The following CPN1 variants were observed in gnomAD, a reference collection of about 807,000 sequenced individuals.
CPN1 encodes carboxypeptidase N catalytic chain.
In CPN1, 37 loss-of-function variants were observed where a neutral mutation model predicts 46.4. The ratio of observed to expected loss-of-function variants is 0.80; its 90% CI spans 0.61 to 1.05. The LOEUF (loss-of-function observed/expected upper bound fraction) is 1.05. Ranked by LOEUF, CPN1 falls within the 50% of genes least tolerant of loss-of-function variation. The probability of loss-of-function intolerance (pLI) is 0.00; values close to 1 mark genes in which losing one functional copy is unlikely to be tolerated. For synonymous variants in CPN1, 224 were observed against 235.4 expected (o/e 0.95, Z 0.44); for missense variants, 563 against 602.6 (o/e 0.93, Z 0.69).
At chr10:100,073,371 T>A (rs942419666) in intron 2 of CPN1, among the ~76,000 whole-genome samples, 1 of 152,230 alleles carries the variant, frequency 6.6e-6, no homozygotes, top group East Asian at 1.9e-4. Context: ...CCCTGCACAC[T>A]GGTCAATAGT....
chr10:100,042,413 T>C lies in CPN1; in HGVS notation c.*14A>G. On this transcript the variant is annotated 3_prime_UTR_variant, in exon 9 of 9. Transcript: ENST00000370418. ...AGCAAAGCCTTTCTGAAGGGTTGCC[T>C]GGCACTGTGGGTTTCAGGCAGGGCC... The C allele has an allele frequency of 2.5e-6, 4 of 1,612,732 alleles. No individual in the cohort carries two copies. Among genetic ancestry groups the C allele is most frequent in the Non-Finnish European group, 3.4e-6 (4 of 1,179,962 alleles).
In CPN1 at chr10:100,071,326, C is replaced by A. The variant is rs139210385; in HGVS notation, c.421-1457G>T. ...TTCTCTGGAGGCTAGAAGTTGTAAT[C>A]AAGTCAACTGGATGGGCGGCACGCT... On this transcript the variant is annotated intron_variant, in intron 2 of 8. Transcript: ENST00000370418. 3.2e-3 allele frequency among the ~76,000 whole-genome samples: 485 copies of A among 152,276 alleles called. 2 individuals carry two copies. Among genetic ancestry groups the A allele is most frequent in the African/African-American group, 0.011 (460 of 41,554 alleles).
chr10:100,069,682 T>C lies in CPN1; in HGVS notation c.576+32A>G, dbSNP rs769139305. The C allele has an allele frequency of 2.5e-6, 4 of 1,613,792 alleles. No homozygotes were observed. In the South Asian group the frequency reaches 3.3e-5, roughly 13 times the overall value. On this transcript the variant is annotated intron_variant, in intron 3 of 8. Transcript: ENST00000370418. ...CTGCAAGAAATTCCAGATGCTGATT[T>C]ACCTGCTTTGTTTGCAAATTTCATC...
chr10:100,043,400 G>GAA (rs11395382), intron 8 of CPN1, among the ~76,000 whole-genome samples: 10 of 147,266 alleles, frequency 6.8e-5, no homozygotes, highest in African/African-American at 1.2e-4. Flanking sequence ...ATCTCAAAAA[G>GAA]AAAAAAAAAA....
At position 100,054,363 on chromosome 10, in the gene CPN1, G is replaced by C; in HGVS notation, c.1095C>G (p.Asn365Lys). Residue 365 changes from asparagine (N) to lysine (K), a missense_variant, in exon 7 of 9, where the codon AAC becomes AAG. By Grantham distance (94) the Asn-to-Lys change is moderately conservative. Transcript: ENST00000370418. Reference sequence around the variant, plus strand: ...ACCACCTACCTGAAGTGACATCATGGTTAATCCCACTGACAGAAATGACAG... The same window carrying C: ...ACCACCTACCTGAAGTGACATCATGCTTAATCCCACTGACAGAAATGACAG... The part of the protein sequence containing the change: ...ANAVISVSGI[N>K]HDVTSGDHGD... 1.2e-6 allele frequency: 2 copies of C among 1,613,600 alleles called. No individual in the cohort carries two copies. Among genetic ancestry groups the C allele is most frequent in the Non-Finnish European group, 8.5e-7 (1 of 1,179,634 alleles).
At chr10:100,053,989 G>C (rs1342514150) in intron 7 of CPN1, among the ~76,000 whole-genome samples, 1 of 152,178 alleles carries the variant, frequency 6.6e-6, no homozygotes, top group East Asian at 1.9e-4. Context: ...TTTCACACCA[G>C]TATGTGAGCT....
intron 1 of CPN1, among the ~76,000 whole-genome samples, chr10:100,077,941 A>C (rs1455610170): frequency 6.6e-6 from 1 of 152,178 alleles, no homozygotes; most frequent in Non-Finnish European, 1.5e-5. Flanking sequence ...TCTTTATGAA[A>C]TCTGTAAGTC....
At chr10:100,045,156 C>T (rs1436078162) in intron 8 of CPN1, among the ~76,000 whole-genome samples, 3 of 152,122 alleles carry the variant, frequency 2.0e-5, no homozygotes, top group African/African-American at 7.2e-5. Context: ...ATCTTTTCTC[C>T]TCTGAGTATA....
chr10:100,050,631 A>G lies in CPN1; in HGVS notation c.1112-1755T>C, dbSNP rs75446066. On this transcript the variant is annotated intron_variant, in intron 7 of 8. Coordinates refer to ENST00000370418, the MANE Select transcript of CPN1 (RefSeq NM_001308.3). ...GTAAAGATACGATTTTGAGAGTCCT[A>G]TCTCTTTTTTTGAGATAGGGTCTCA... Among the ~76,000 whole-genome samples, 40 of 152,106 alleles carry G rather than the reference A, an allele frequency of 2.6e-4. 2 individuals are homozygous for G. In the East Asian group the frequency reaches 7.5e-3, roughly 29 times the overall value.
intron 2 of CPN1, among the ~76,000 whole-genome samples, chr10:100,071,930 A>G (rs1405676501): frequency 2.6e-5 from 4 of 152,176 alleles, no homozygotes; most frequent in African/African-American, 7.2e-5. Flanking sequence ...AAGGATGACT[A>G]TGTATTTCCA....
At chr10:100,077,059 C>T (rs1395349231) in intron 1 of CPN1, among the ~76,000 whole-genome samples, 1 of 152,018 alleles carries the variant, frequency 6.6e-6, no homozygotes, top group African/African-American at 2.4e-5. Context: ...TTTTCTTACA[C>T]CCAATACTTT....
At chr10:100,050,615 C>T (rs927334164) in intron 7 of CPN1, among the ~76,000 whole-genome samples, 16 of 152,004 alleles carry the variant, frequency 1.1e-4, no homozygotes, top group African/African-American at 3.1e-4. Flanking sequence ...AGTAAAGATA[C>T]GATTTTGAGA....
intron 2 of CPN1, among the ~76,000 whole-genome samples, chr10:100,070,074 C>A (rs572583534): frequency 5.9e-5 from 9 of 152,046 alleles, no homozygotes; most frequent in Admixed American, 3.9e-4. Flanking sequence ...AAGCACACAC[C>A]ACCACACCCG....
intron 2 of CPN1, 85 bp from the exon 3 acceptor site, chr10:100,069,954 A>G (rs2041475293): frequency 6.6e-7 from 1 of 1,506,842 alleles, no homozygotes; most frequent in Non-Finnish European, 9.2e-7. Context: ...ACAGGTTCTC[A>G]CACTGTTGCC....
chr10:100,065,474 C>G (rs1442393640), intron 3 of CPN1, 104 bp from the exon 4 acceptor site: 2 of 1,206,900 alleles, frequency 1.7e-6, no homozygotes, highest in African/African-American at 3.0e-5. Context: ...GATAAAATGT[C>G]TGAATGAAAC....
At position 100,046,112 on chromosome 10, in the gene CPN1, A is replaced by C. The variant is rs571068309; in HGVS notation, c.1230+2646T>G. Among the ~76,000 whole-genome samples, 9 of 152,326 alleles carry C rather than the reference A, an allele frequency of 5.9e-5. No homozygotes were observed. The East Asian group carries it at 1.7e-3, about 29-fold the overall frequency. On this transcript the variant is annotated intron_variant, in intron 8 of 8. Transcript: ENST00000370418. Reference sequence around the variant, plus strand: ...TTGCTTCTCATCCTATCTATAAAAGAAAGCCCTGGAGAGTTTAATCTTGAA... The same window carrying C: ...TTGCTTCTCATCCTATCTATAAAAGCAAGCCCTGGAGAGTTTAATCTTGAA...
intron 5 of CPN1, among the ~76,000 whole-genome samples, chr10:100,058,392 T>C (rs1247175838): frequency 6.6e-6 from 1 of 152,130 alleles, no homozygotes; most frequent in African/African-American, 2.4e-5. Context: ...ACAATATTAA[T>C]CTGAAAATAC....
intron 8 of CPN1, 74 bp downstream of exon 8, chr10:100,048,684 G>C: frequency 1.8e-6 from 2 of 1,083,490 alleles, no homozygotes; most frequent in Non-Finnish European, 2.8e-6. Flanking sequence ...GGGTGACAGA[G>C]CAGGACACTG....
intron 7 of CPN1, among the ~76,000 whole-genome samples, chr10:100,049,341 C>T (rs552425816): frequency 1.3e-5 from 2 of 151,138 alleles, no homozygotes; most frequent in African/African-American, 4.9e-5. Flanking sequence ...CAGCTCACTG[C>T]AACCCCTACC....
Sources: allele counts gnomAD v4.1 joint callset (sites outside exome capture counted in the v4.1 genomes callset), GRCh38; gene constraint gnomAD v4.1.1; transcripts MANE v1.5; gene names NCBI Gene and HGNC (gene_info 2026-07-23, HGNC 2026-07-21).